The following SMTNL2 variants were observed in gnomAD, a reference collection of about 807,000 sequenced individuals.
The protein encoded by SMTNL2 is smoothelin like 2.
A neutral mutation model predicts 44.1 loss-of-function variants in SMTNL2; 43 were observed. The observed-to-expected ratio is 0.98, with a 90% CI of 0.76 to 1.26. The LOEUF is 1.26. SMTNL2 is among the 50% of genes most tolerant of loss of function. The pLI is 0.00. For missense variants in SMTNL2, 646 were observed against 670.2 expected (o/e 0.96, Z 0.40); for synonymous variants, 317 against 287.6 (o/e 1.10, Z -1.03).
chr17:4,584,889 G>T lies in SMTNL2; in HGVS notation c.284G>T (p.Gly95Val). ...GCCAGCGGGATGTCCCCGGTGCCCG[G>T]CACTCCCGGCACGCCCAGCCCCCCG... ...GLASGMSPVP[G>V]TPGTPSPPPA... Residue 95 changes from glycine (G) to valine (V), a missense_variant, in exon 1 of 8, where the codon GGC (glycine) becomes GTC (valine). Gly to Val is a moderately radical substitution (Grantham distance 109). Transcript: ENST00000389313. 1 of 1,297,604 alleles carries T rather than the reference G, an allele frequency of 7.7e-7. No individual in the cohort carries two copies. Among genetic ancestry groups the T allele is most frequent in the South Asian group, 2.2e-5 (1 of 44,816 alleles). 80.4% of individuals were successfully genotyped at this position (1,297,604 alleles called of 1,614,324 possible). A position where few individuals can be genotyped will look rare whatever the true frequency, so the allele number is the denominator to read the frequency against.
chr17:4,589,062 T>C (rs1265500109), intron 1 of SMTNL2, among the ~76,000 whole-genome samples: 1 of 152,070 alleles, frequency 6.6e-6, no homozygotes, highest in Non-Finnish European at 1.5e-5. Flanking sequence ...GGCTCAGCCC[T>C]ACACCCCAGC....
chr17:4,588,086 A>G (rs1380959578), intron 1 of SMTNL2, among the ~76,000 whole-genome samples: 2 of 152,234 alleles, frequency 1.3e-5, no homozygotes, highest in Non-Finnish European at 2.9e-5. Flanking sequence ...CTGTGCGATA[A>G]GAGAGTTAAA....
At chr17:4,596,777 A>G (rs9906333) in intron 5 of SMTNL2, 83 bp from the exon 6 acceptor site, 1,049,955 of 1,244,738 alleles carry the variant, frequency 0.84, 443,336 homozygotes, top group Non-Finnish European at 0.85. Flanking sequence ...TGGTGGTGCC[A>G]GGACAGCCTC....
rs1339835153 is a variant in SMTNL2, at chr17:4,595,200, ACT to A, written c.864_865del (p.Gln289GlyfsTer31). The A allele has an allele frequency of 1.2e-6, 2 of 1,613,410 alleles. No homozygotes were observed. Among genetic ancestry groups the A allele is most frequent in the Non-Finnish European group, 1.7e-6 (2 of 1,179,990 alleles). On this transcript the variant is annotated frameshift_variant, in exon 5 of 8. Transcript: ENST00000389313. LOFTEE classifies it high-confidence loss of function. The surrounding 1 kb of genome is among the most constrained non-coding windows in gnomAD (Gnocchi z 5.1). ...SPVSPQPPAITQVHRQGERRR... is the reference protein window; with the variant it reads ...SPVSPQPPAIXQVHRQGERRR... ...CGTGTCCCCGCAGCCGCCAGCCATA[ACT>A]CAGGTCCATCGGCAGGGGGAGCGTC...
Position 4,600,249 on chromosome 17 carries a change from C to T in SMTNL2, c.1259+2926C>T, listed in dbSNP as rs1909976241. Among the ~76,000 whole-genome samples the T allele has an allele frequency of 6.6e-6, 1 of 152,198 alleles. No homozygotes were observed. The highest frequency in any genetic ancestry group is 1.5e-5 in the Non-Finnish European group (1 of 68,034). On this transcript the variant is annotated intron_variant, in intron 7 of 7. Transcript: ENST00000389313. This position sits in a 1 kb window ranked among gnomAD's most constrained non-coding sequence, Gnocchi z 4.7. ...AGCTGGCAGGAAAGCGCAGGGACAC[C>T]TGCCTGAGGGTACTAGCTGTCAGTG...
At chr17:4,599,541 C>A (rs889251789) in intron 7 of SMTNL2, among the ~76,000 whole-genome samples, 1 of 152,104 alleles carries the variant, frequency 6.6e-6, no homozygotes, top group Non-Finnish European at 1.5e-5. Flanking sequence ...CAGGGTGAGG[C>A]GACACTGTCT....
intron 1 of SMTNL2, among the ~76,000 whole-genome samples, chr17:4,587,292 G>A (rs987654817): frequency 1.4e-4 from 22 of 152,164 alleles, no homozygotes; most frequent in Admixed American, 9.2e-4. Flanking sequence ...CCTGGCTCCC[G>A]GGGCCTGAGG....
rs1344601883 is a variant in SMTNL2, at chr17:4,595,562, G to C, written c.989+235G>C. Among the ~76,000 whole-genome samples the C allele has an allele frequency of 2.6e-5, 4 of 152,252 alleles. No homozygotes were observed. The highest frequency in any genetic ancestry group is 9.6e-5 in the African/African-American group (4 of 41,474). ...GGCTGTGAGGCAGGGAGCCAGGAAG[G>C]CTTGGTGAGAGCCCCTCTCTCCTCC... On this transcript the variant is annotated intron_variant, in intron 5 of 7. Transcript: ENST00000389313. The surrounding 1 kb of genome is among the most constrained non-coding windows in gnomAD (Gnocchi z 5.1).
rs961408031 is a variant in SMTNL2 at position 4,600,342 on chromosome 17, C to A, written c.1259+3019C>A. On this transcript the variant is annotated intron_variant, in intron 7 of 7. Transcript: ENST00000389313. This position sits in a 1 kb window ranked among gnomAD's most constrained non-coding sequence, Gnocchi z 4.7. Reference sequence around the variant, plus strand: ...ATCCAGGGTCGTGCAGGCAGCAGGACCACAGAGCTAAGAAAGGCAGCCTGG... The same window carrying A: ...ATCCAGGGTCGTGCAGGCAGCAGGAACACAGAGCTAAGAAAGGCAGCCTGG... 6.6e-6 allele frequency among the ~76,000 whole-genome samples: 1 copy of A among 152,106 alleles called. No homozygotes were observed.
rs995017355 is a variant in SMTNL2, at chr17:4,595,835, C to T, written c.989+508C>T. Reference sequence around the variant, plus strand: ...CGAGCGACGGCTCCTCAGGCTCCAGCCCACCTTTGCATATTCAGCCAGTCC... The same window carrying T: ...CGAGCGACGGCTCCTCAGGCTCCAGTCCACCTTTGCATATTCAGCCAGTCC... On this transcript the variant is annotated intron_variant, in intron 5 of 7. Coordinates refer to ENST00000389313, the MANE Select transcript of SMTNL2 (RefSeq NM_001114974.2). This position sits in a 1 kb window ranked among gnomAD's most constrained non-coding sequence, Gnocchi z 5.1. Among the ~76,000 whole-genome samples, 1 of 152,256 alleles carries T rather than the reference C, an allele frequency of 6.6e-6. No individual in the cohort carries two copies. The highest frequency in any genetic ancestry group is 1.5e-5 in the Non-Finnish European group (1 of 68,044).
rs199682589 is a variant in SMTNL2, at chr17:4,602,864, G to T, written c.1260-4497G>T. 2.0e-5 allele frequency among the ~76,000 whole-genome samples: 3 copies of T among 152,198 alleles called. No homozygotes were observed. The East Asian group carries it at 5.8e-4, about 29-fold the overall frequency. On this transcript the variant is annotated intron_variant, in intron 7 of 7. Transcript: ENST00000389313. ...GAGGGAGCCAGGAGACGGTGGTTGC[G>T]TGTTGCATATTGTGACCCCTCCCTG...
In SMTNL2 at chr17:4,593,848, G is replaced by A. The variant is rs1909687873; in HGVS notation, c.757G>A (p.Val253Met). ...GAAGAATTCCTCTTTCACGTGGTCT[G>A]TGCCAAGCTCTGGCTATGGGGCAGT... ...SEKNSSFTWS[V>M]PSSGYGAVTA... The change falls in exon 4 of 8, where the codon GTG becomes ATG. Residue 253 changes from valine to methionine, a missense_variant. Transcript: ENST00000389313. 1 of 1,614,030 alleles carries A rather than the reference G, an allele frequency of 6.2e-7. No individual in the cohort carries two copies. Among genetic ancestry groups the A allele is most frequent in the Non-Finnish European group, 8.5e-7 (1 of 1,180,012 alleles).
intron 3 of SMTNL2, among the ~76,000 whole-genome samples, chr17:4,593,477 C>A (rs1376727395): frequency 2.0e-5 from 3 of 152,248 alleles, no homozygotes; most frequent in African/African-American, 7.2e-5. Context: ...TGACTTGGGC[C>A]TGTGGCCAGT....
chr17:4,584,603 G>T lies in SMTNL2; in HGVS notation c.-3G>T. The T allele has an allele frequency of 1.6e-6, 2 of 1,237,950 alleles. No homozygotes were observed. The highest frequency in any genetic ancestry group is 2.0e-6 in the Non-Finnish European group (2 of 991,326). The allele number at this position is 1,237,950 out of a possible 1,614,324, so 76.7% of individuals were successfully genotyped here. A position where few individuals can be genotyped will look rare whatever the true frequency, so the allele number is the denominator to read the frequency against. ...GCTCTCGACCCGCGCGCTCTGCTGG[G>T]CCATGGAGCCGGCCCCCGACGCCCA... On this transcript the variant is annotated 5_prime_UTR_variant, in exon 1 of 8. Coordinates refer to ENST00000389313, the MANE Select transcript of SMTNL2 (RefSeq NM_001114974.2).
At chr17:4,606,282 C>T (rs1597419783) in intron 7 of SMTNL2, among the ~76,000 whole-genome samples, 2 of 151,888 alleles carry the variant, frequency 1.3e-5, no homozygotes, top group East Asian at 2.0e-4. Flanking sequence ...CCACCACGCC[C>T]GGCTAATTTT....
At chr17:4,589,618 G>T (rs77607847) in intron 1 of SMTNL2, among the ~76,000 whole-genome samples, 1,820 of 152,246 alleles carry the variant, frequency 0.012, 34 homozygotes, top group African/African-American at 0.041. Context: ...TCTGGGTCCT[G>T]TCTGCTGTGA....
chr17:4,589,149 C>T (rs1909459650), intron 1 of SMTNL2, among the ~76,000 whole-genome samples: 1 of 152,196 alleles, frequency 6.6e-6, no homozygotes, highest in Admixed American at 6.5e-5. Context: ...ATAGAACTTA[C>T]TCCCAGTCTG....
chr17:4,587,752 AG>A lies in SMTNL2; in HGVS notation c.399+2750del, dbSNP rs1397467578. Among the ~76,000 whole-genome samples, 3 of 152,206 alleles carry A rather than the reference AG, an allele frequency of 2.0e-5. No individual in the cohort carries two copies. The East Asian group carries it at 5.8e-4, about 29-fold the overall frequency. On this transcript the variant is annotated intron_variant, in intron 1 of 7. Coordinates refer to ENST00000389313, the MANE Select transcript of SMTNL2 (RefSeq NM_001114974.2). ...TTCAAACTGGGGACTGAAGGATTGG[AG>A]GTAGATTGTCTCCAATATATAAATG...
rs1335536004 is a variant in SMTNL2, at chr17:4,592,315, G to T, written c.400-46G>T. ...GGTGGGCAGCTTTTGGGGGTGGGCA[G>T]CTGGCCCTAGCTGATGGGGTCTCGG... On this transcript the variant is annotated intron_variant, in intron 1 of 7. Coordinates refer to ENST00000389313, the MANE Select transcript of SMTNL2 (RefSeq NM_001114974.2). The surrounding 1 kb of genome is among the most constrained non-coding windows in gnomAD (Gnocchi z 4.5). 1 of 1,593,838 alleles carries T rather than the reference G, an allele frequency of 6.3e-7. No homozygotes were observed. The highest frequency in any genetic ancestry group is 1.7e-5 in the Admixed American group (1 of 59,930).
Sources: gnomAD v4.1 joint callset for allele counts (sites outside exome capture counted in the v4.1 genomes callset) on GRCh38, gnomAD v4.1.1 for gene constraint, Gnocchi (gnomAD v3.1) non-coding constraint, MANE v1.5 for transcripts, NCBI Gene and HGNC (gene_info 2026-07-23, HGNC 2026-07-21) for gene names.